The following SEC11A variants were observed in gnomAD, a reference collection of about 807,000 sequenced individuals.
The protein encoded by SEC11A is SEC11 homolog A, signal peptidase complex subunit, also known as signal peptidase complex catalytic subunit SEC11A.
Under a neutral mutation model 25.6 loss-of-function variants are expected in SEC11A, and 14 were observed. The observed-to-expected ratio is 0.55, with a 90% confidence interval of 0.36 to 0.85. The LOEUF is 0.85. Ranked by LOEUF, SEC11A falls within the 40% of genes least tolerant of loss-of-function variation. The pLI, the probability that SEC11A is intolerant of heterozygous loss-of-function variation, is 0.01. For missense variants in SEC11A, 153 were observed against 222.9 expected (o/e 0.69, Z 2.00); for synonymous variants, 83 against 76.4 (o/e 1.09, Z -0.45).
At chr15:84,707,480 G>C (rs181132633) in intron 1 of SEC11A, among the ~76,000 whole-genome samples, 1 of 152,048 alleles carries the variant, frequency 6.6e-6, no homozygotes, top group Admixed American at 6.6e-5. Flanking sequence ...CACCGTGCCC[G>C]GCTGAGGTTT....
intron 4 of SEC11A, chr15:84,679,973 A>T: frequency 1.3e-6 from 2 of 1,523,282 alleles, no homozygotes; most frequent in Non-Finnish European, 8.8e-7. Flanking sequence ...ATAAAATCTG[A>T]AACAAACAGG....
intron 3 of SEC11A, among the ~76,000 whole-genome samples, chr15:84,681,512 C>A (rs763704960): frequency 1.3e-5 from 2 of 152,090 alleles, no homozygotes; most frequent in African/African-American, 2.4e-5. Flanking sequence ...TGCCTGTAGT[C>A]CCAGCTACTC....
In SEC11A at chr15:84,716,095, A is replaced by T; in HGVS notation, c.-20T>A. On this transcript the variant is annotated 5_prime_UTR_variant, in exon 1 of 6. Coordinates refer to ENST00000268220, the MANE Select transcript of SEC11A (RefSeq NM_014300.4). ...CAGCATGGCGGGGACGGCGAGCAGG[A>T]CACCGGCAGGGGAAAGGGCGCGATG... is the stretch of plus-strand genomic sequence containing the variant. The T allele has an allele frequency of 6.2e-7, 1 of 1,613,084 alleles. No homozygotes were observed. Among genetic ancestry groups the T allele is most frequent in the Middle Eastern group, 1.7e-4 (1 of 5,984 alleles).
intron 4 of SEC11A, among the ~76,000 whole-genome samples, chr15:84,677,719 C>A (rs1280206426): frequency 6.6e-6 from 1 of 152,082 alleles, no homozygotes. Context: ...GTGATCCGCC[C>A]GCCTCAGCCG....
chr15:84,703,174 G>T (rs1897998430), intron 1 of SEC11A, among the ~76,000 whole-genome samples: 1 of 152,090 alleles, frequency 6.6e-6, no homozygotes, highest in African/African-American at 2.4e-5. Flanking sequence ...CTTTTTGTTT[G>T]CTACTGAGTT....
intron 4 of SEC11A, chr15:84,670,997 C>A (rs971617111): frequency 2.6e-6 from 1 of 385,288 alleles, no homozygotes; most frequent in Non-Finnish European, 4.7e-6. Context: ...TGATCATGCC[C>A]AAGGTACATG....
rs972056517 is a variant in SEC11A, at chr15:84,669,647, G to A, written c.*372C>T. On this transcript the variant is annotated 3_prime_UTR_variant, in exon 6 of 6. Coordinates refer to ENST00000268220, the MANE Select transcript of SEC11A (RefSeq NM_014300.4). ...AAGGAGGTATGACGGTTTCAAACTCGTGCAGAGCTGCATTTTCATTTACAA... is the reference window on the plus strand; with the variant it reads ...AAGGAGGTATGACGGTTTCAAACTCATGCAGAGCTGCATTTTCATTTACAA... The A allele has an allele frequency of 1.8e-5, 4 of 223,744 alleles. No homozygotes were observed. In the East Asian group the frequency reaches 3.0e-4, roughly 17 times the overall value. 13.9% of individuals were successfully genotyped at this position (223,744 alleles called of 1,614,324 possible). A position where few individuals can be genotyped will look rare whatever the true frequency, so the allele number is the denominator to read the frequency against.
intron 1 of SEC11A, among the ~76,000 whole-genome samples, chr15:84,710,343 G>T (rs1437758760): frequency 6.6e-6 from 1 of 152,004 alleles, no homozygotes; most frequent in East Asian, 1.9e-4. Context: ...GCTCTTAAAG[G>T]TGATTGTTGG....
At chr15:84,695,088 TAAAAAAAAAAAA>T (rs55789527) in intron 1 of SEC11A, among the ~76,000 whole-genome samples, 2 of 26,910 alleles carry the variant, frequency 7.4e-5, no homozygotes, top group Admixed American at 7.0e-4. Flanking sequence ...AGACTCCATC[TAAAAAAAAAAAA>T]AAAAAAAAAA....
At chr15:84,675,179 T>C (rs1370719641) in intron 4 of SEC11A, among the ~76,000 whole-genome samples, 2 of 152,212 alleles carry the variant, frequency 1.3e-5, no homozygotes, top group African/African-American at 4.8e-5. Flanking sequence ...TTAAAGTAAG[T>C]AAAATGAATG....
chr15:84,700,841 G>A (rs566563258), intron 1 of SEC11A, among the ~76,000 whole-genome samples: 5 of 149,122 alleles, frequency 3.4e-5, no homozygotes, highest in South Asian at 4.2e-4. Context: ...TTAGCCAGGC[G>A]TGGTGGCGCA....
intron 4 of SEC11A, chr15:84,671,964 CTTT>C (rs1896994870): frequency 6.6e-6 from 1 of 152,220 alleles, no homozygotes; most frequent in African/African-American, 2.4e-5. Flanking sequence ...AAACTTTCTT[CTTT>C]ATCCTCCTCT....
chr15:84,674,687 G>A (rs1222866152), intron 4 of SEC11A, among the ~76,000 whole-genome samples: 2 of 151,984 alleles, frequency 1.3e-5, no homozygotes, highest in Non-Finnish European at 2.9e-5. Flanking sequence ...GCCTCCCAAG[G>A]AGCTGGGACT....
At chr15:84,670,113 A>G in intron 5 of SEC11A, 44 bp from the exon 6 acceptor site, 1 of 1,595,870 alleles carries the variant, frequency 6.3e-7, no homozygotes, top group Non-Finnish European at 8.5e-7. Context: ...AGCGTTGAAA[A>G]GTTCAGAGGT....
chr15:84,709,195 T>C (rs1477991831), intron 1 of SEC11A, among the ~76,000 whole-genome samples: 1 of 151,422 alleles, frequency 6.6e-6, no homozygotes, highest in Non-Finnish European at 1.5e-5. Context: ...TGAGTAAATA[T>C]CTTTTTTTTT....
intron 4 of SEC11A, chr15:84,673,120 C>A (rs1269261620): frequency 1.2e-5 from 2 of 167,106 alleles, no homozygotes; most frequent in African/African-American, 4.8e-5. Context: ...GCCACCCCGT[C>A]CGGGAGGGAG....
intron 1 of SEC11A, among the ~76,000 whole-genome samples, chr15:84,699,748 G>A (rs888368791): frequency 4.7e-5 from 7 of 150,124 alleles, no homozygotes; most frequent in Non-Finnish European, 8.8e-5. Flanking sequence ...AATACAGCAA[G>A]ATCCCCGTTC....
chr15:84,699,975 G>C (rs1475969691), intron 1 of SEC11A, among the ~76,000 whole-genome samples: 2 of 151,828 alleles, frequency 1.3e-5, no homozygotes, highest in Non-Finnish European at 2.9e-5. Flanking sequence ...ACGGGGCTTT[G>C]GATTAGAGTA....
chr15:84,714,315 A>G (rs556840638), intron 1 of SEC11A, among the ~76,000 whole-genome samples: 1 of 152,258 alleles, frequency 6.6e-6, no homozygotes, highest in Admixed American at 6.5e-5. Context: ...CACCCAGTCT[A>G]CCTTCTGTCT....
Sources: allele counts gnomAD v4.1 joint callset (sites outside exome capture counted in the v4.1 genomes callset), GRCh38; gene constraint gnomAD v4.1.1; transcripts MANE v1.5; gene names NCBI Gene and HGNC (gene_info 2026-07-23, HGNC 2026-07-21).